Variants in FAXC observed in about 807,000 individuals in gnomAD.
The protein encoded by FAXC is failed axon connections homolog.
Under a neutral mutation model 41.9 loss-of-function variants are expected in FAXC, and 10 were observed. The ratio of observed to expected loss-of-function variants is 0.24; its 90% confidence interval spans 0.15 to 0.41. The LOEUF is 0.41. Ranked by LOEUF, FAXC falls within the 10% of genes least tolerant of loss-of-function variation. The pLI, the probability that FAXC is intolerant of heterozygous loss-of-function variation, is 1.00. For missense variants in FAXC, 399 were observed against 510.9 expected, an observed-to-expected ratio of 0.78 and a Z score of 2.11; for synonymous variants, 183 against 183.8, an observed-to-expected ratio of 1.00 and a Z score of 0.03.
At chr6:99,309,875 T>C in intron 4 of FAXC, 1 of 982,734 alleles carries the variant, frequency 1.0e-6, no homozygotes. Flanking sequence ...AAATTTATGG[T>C]TTTCAGGTCA....
At chr6:99,298,693 G>A (rs1771587398) in intron 4 of FAXC, among the ~76,000 whole-genome samples, 2 of 152,154 alleles carry the variant, frequency 1.3e-5, no homozygotes, top group Non-Finnish European at 1.5e-5. Flanking sequence ...GGTTATGATA[G>A]CCTTAATTAT....
At chr6:99,297,101 T>G (rs1185919667) in intron 4 of FAXC, among the ~76,000 whole-genome samples, 1 of 152,224 alleles carries the variant, frequency 6.6e-6, no homozygotes, top group Non-Finnish European at 1.5e-5. Flanking sequence ...GATCATTGGT[T>G]ATAAGCCTTT....
At chr6:99,299,959 C>T (rs962682339) in intron 4 of FAXC, among the ~76,000 whole-genome samples, 3 of 152,058 alleles carry the variant, frequency 2.0e-5, no homozygotes, top group African/African-American at 7.2e-5. Flanking sequence ...AGAAGAAGCT[C>T]CTTAATTTAA....
chr6:99,344,329 G>A (rs1165199742), intron 1 of FAXC, among the ~76,000 whole-genome samples: 1 of 152,062 alleles, frequency 6.6e-6, no homozygotes, highest in Admixed American at 6.6e-5. Flanking sequence ...ATTTGACCCA[G>A]CTGATTTCTA....
chr6:99,281,554 T>C (rs1165073533), intron 5 of FAXC, 101 bp from the exon 6 acceptor site: 1 of 948,200 alleles, frequency 1.1e-6, no homozygotes, highest in Non-Finnish European at 1.6e-6. Flanking sequence ...AAATCCTGAC[T>C]CCCAATGTGA....
chr6:99,331,968 T>C (rs535766049), intron 3 of FAXC, among the ~76,000 whole-genome samples: 1 of 152,322 alleles, frequency 6.6e-6, no homozygotes, highest in South Asian at 2.1e-4. Flanking sequence ...TCCCTACCAC[T>C]ATTGTAAGGA....
rs1259283078 is a variant in FAXC, at chr6:99,279,175, T to C, written c.*1989A>G. ...GGAGGCAAACAGTCCTCCCAAATGA[T>C]GCTGCAGCCTCAAACAGGCTTATCC... On this transcript the variant is annotated 3_prime_UTR_variant, in exon 6 of 6. Transcript: ENST00000389677. 6.6e-6 allele frequency: 1 copy of C among 152,164 alleles called. No homozygotes were observed. Among genetic ancestry groups the C allele is most frequent in the Non-Finnish European group, 1.5e-5 (1 of 68,036 alleles). 9.4% of individuals were successfully genotyped at this position (152,164 alleles called of 1,614,324 possible).
intron 4 of FAXC, among the ~76,000 whole-genome samples, chr6:99,314,103 C>T (rs928885247): frequency 5.3e-5 from 8 of 152,130 alleles, no homozygotes; most frequent in South Asian, 4.1e-4. Flanking sequence ...TGGCCTCAAG[C>T]GATTCCCATT....
intron 5 of FAXC, among the ~76,000 whole-genome samples, chr6:99,282,528 G>GA (rs1205337847): frequency 6.6e-6 from 1 of 152,092 alleles, no homozygotes; most frequent in Non-Finnish European, 1.5e-5. Flanking sequence ...TTTTTTATGT[G>GA]AATCAAAAGA....
chr6:99,306,858 A>G (rs1771941305), intron 4 of FAXC, among the ~76,000 whole-genome samples: 1 of 152,206 alleles, frequency 6.6e-6, no homozygotes, highest in African/African-American at 2.4e-5. Context: ...TAGTGCTGGC[A>G]CGGAGTAAGT....
At chr6:99,307,077 G>A (rs59980166) in intron 4 of FAXC, among the ~76,000 whole-genome samples, 56 of 152,250 alleles carry the variant, frequency 3.7e-4, no homozygotes, top group African/African-American at 1.1e-3. Flanking sequence ...AGGGCTCCTC[G>A]GTTCCTCTCT....
chr6:99,313,398 T>C (rs1283602457), intron 4 of FAXC, among the ~76,000 whole-genome samples: 1 of 152,250 alleles, frequency 6.6e-6, no homozygotes, highest in Non-Finnish European at 1.5e-5. Flanking sequence ...CTGACCAATT[T>C]TCCCCCTTAA....
At chr6:99,295,340 A>G (rs1388110254) in intron 4 of FAXC, among the ~76,000 whole-genome samples, 1 of 152,234 alleles carries the variant, frequency 6.6e-6, no homozygotes, top group Non-Finnish European at 1.5e-5. Flanking sequence ...ATAATTTTAG[A>G]TTTACAGAAA....
chr6:99,307,817 A>G (rs1771986249), intron 4 of FAXC, among the ~76,000 whole-genome samples: 1 of 152,162 alleles, frequency 6.6e-6, no homozygotes, highest in South Asian at 2.1e-4. Context: ...AAAGAGGATG[A>G]GCCTAAGTCA....
intron 4 of FAXC, among the ~76,000 whole-genome samples, chr6:99,297,393 TGAGAAG>T (rs1309527403): frequency 6.6e-6 from 1 of 152,068 alleles, no homozygotes; most frequent in African/African-American, 2.4e-5. Flanking sequence ...ATATTGAGTC[TGAGAAG>T]AATGGCCAGA....
rs185792329 is a variant in FAXC, at chr6:99,318,034, G to A, written c.823+5410C>T. ...AGCACTTTGGGAGGCCGAGGCGGGTGGATCACGAGGTCAGGAAATCGAGAC... is the reference window on the plus strand; with the variant it reads ...AGCACTTTGGGAGGCCGAGGCGGGTAGATCACGAGGTCAGGAAATCGAGAC... On this transcript the variant is annotated intron_variant, in intron 4 of 5. Coordinates refer to ENST00000389677, the MANE Select transcript of FAXC (RefSeq NM_032511.4). Among the ~76,000 whole-genome samples, 157 of 152,190 alleles carry A rather than the reference G, an allele frequency of 1.0e-3. No individual in the cohort carries two copies. In the Middle Eastern group the frequency reaches 0.017, roughly 16 times the overall value.
chr6:99,295,662 G>C (rs1771460577), intron 4 of FAXC, among the ~76,000 whole-genome samples: 1 of 152,152 alleles, frequency 6.6e-6, no homozygotes, highest in Admixed American at 6.5e-5. Context: ...AAATCCTAAT[G>C]GTTCGGTTTC....
At chr6:99,290,307 C>T (rs1771191344) in intron 5 of FAXC, among the ~76,000 whole-genome samples, 3 of 152,012 alleles carry the variant, frequency 2.0e-5, no homozygotes, top group Admixed American at 2.0e-4. Flanking sequence ...TTAGCTTCCC[C>T]TCTCATATCT....
intron 3 of FAXC, among the ~76,000 whole-genome samples, chr6:99,328,565 C>T (rs946046970): frequency 1.3e-5 from 2 of 152,174 alleles, no homozygotes; most frequent in African/African-American, 4.8e-5. Context: ...TAATATACTC[C>T]CCAAATGCCT....
Sources: allele counts gnomAD v4.1 joint callset (sites outside exome capture counted in the v4.1 genomes callset), GRCh38; gene constraint gnomAD v4.1.1; transcripts MANE v1.5; gene names NCBI Gene and HGNC (gene_info 2026-07-23, HGNC 2026-07-21).